The following CRIP2 variants were observed in gnomAD, a reference collection of about 807,000 sequenced individuals.
CRIP2 encodes cysteine rich protein 2, also known as cysteine-rich protein 2.
CRIP2 carries 31 observed loss-of-function variants against 31.3 expected under a neutral mutation model. That is an observed-to-expected ratio of 0.99 (90% confidence interval 0.74 to 1.34). The LOEUF (loss-of-function observed/expected upper bound fraction) is 1.34, where lower values mean the gene tolerates loss of function less well. CRIP2 is among the 40% of genes most tolerant of loss of function. The pLI is 0.00. For missense variants in CRIP2, 389 were observed against 301.6 expected (o/e 1.29, Z -2.15); for synonymous variants, 177 against 127.2 (o/e 1.39, Z -2.63).
chr14:105,476,390 A>G (rs2083933100), intron 1 of CRIP2: 1 of 985,302 alleles, frequency 1.0e-6, no homozygotes. Context: ...CCACCCTCAC[A>G]CCAGGCTGCC....
Position 105,479,700 on chromosome 14 carries a change from G to A in CRIP2, c.*47G>A. 6.3e-7 allele frequency: 1 copy of A among 1,578,048 alleles called. No homozygotes were observed. Among genetic ancestry groups the A allele is most frequent in the Non-Finnish European group, 8.6e-7 (1 of 1,161,076 alleles). On this transcript the variant is annotated 3_prime_UTR_variant, in exon 8 of 8. Coordinates refer to ENST00000329146, the MANE Select transcript of CRIP2 (RefSeq NM_001312.4). ...TGGGCTCACCTGCGCCCCAGACCCT[G>A]CAGGGGCCCCCCTGCTTGGCTCTGC...
chr14:105,477,528 CAG>C (rs2083959200), intron 1 of CRIP2: 1 of 984,370 alleles, frequency 1.0e-6, no homozygotes, highest in Non-Finnish European at 1.2e-6. Context: ...TGGTGGGGAT[CAG>C]GGGCGTGTCA....
chr14:105,476,619 G>C (rs587663371), intron 1 of CRIP2: 1 of 985,470 alleles, frequency 1.0e-6, no homozygotes, highest in South Asian at 4.7e-5. Context: ...CCACGTCCCA[G>C]AGCTGGCCAG....
rs2084015484 is a variant in CRIP2, at chr14:105,478,843, G to C, written c.309G>C (p.Ala103=). Residue 103 remains alanine (A), a synonymous_variant, in exon 4 of 8, where the codon GCG becomes GCC. Coordinates refer to ENST00000329146, the MANE Select transcript of CRIP2 (RefSeq NM_001312.4). This position sits in a 1 kb window ranked among gnomAD's most constrained non-coding sequence, Gnocchi z 4.9. The stretch of plus-strand genomic sequence containing the variant: ...CGGCCCGAGCAGAGGAGCGGAAGGC[G>C]AGCGGCCCCCCGAAGGGGCCCAGCA... ...VPAARAEERK[A]SGPPKGPSRA... The C allele has an allele frequency of 7.0e-7, 1 of 1,426,930 alleles. No homozygotes were observed. The highest frequency in any genetic ancestry group is 1.5e-5 in the African/African-American group (1 of 66,578). The allele number at this position is 1,426,930 out of a possible 1,614,324, so 88.4% of individuals were successfully genotyped here.
At chr14:105,477,296 A>G in intron 1 of CRIP2, 1 of 985,302 alleles carries the variant, frequency 1.0e-6, no homozygotes. Context: ...AGGGTCCCGG[A>G]CCCTCAGCAG....
At chr14:105,473,752 G>A (rs781931978), upstream of CRIP2, among the ~76,000 whole-genome samples, 2 of 152,190 alleles carry the variant, frequency 1.3e-5, no homozygotes, top group Non-Finnish European at 2.9e-5. Flanking sequence ...CGGAGGCACT[G>A]TGGTGAGGCG....
Position 105,479,016 on chromosome 14 carries a change from G to T in CRIP2, c.375G>T (p.Thr125=). The T allele has an allele frequency of 6.3e-7, 1 of 1,582,510 alleles. No homozygotes were observed. The highest frequency in any genetic ancestry group is 1.1e-5 in the South Asian group (1 of 87,132). Residue 125 remains threonine (T), a synonymous_variant, in exon 5 of 8, where the codon ACG becomes ACT. Coordinates refer to ENST00000329146, the MANE Select transcript of CRIP2 (RefSeq NM_001312.4). ...SVTTFTGEPN[T]CPRCSKKVYF... is the part of the protein sequence containing the mutation. Reference sequence around the variant, plus strand: ...CCACTTTCACCGGGGAGCCCAACACGTGCCCGCGCTGCAGCAAGAAGGTGT... The same window carrying T: ...CCACTTTCACCGGGGAGCCCAACACTTGCCCGCGCTGCAGCAAGAAGGTGT...
At chr14:105,479,404 A>T in intron 6 of CRIP2, 32 bp from the exon 7 acceptor site, 1 of 1,610,546 alleles carries the variant, frequency 6.2e-7, no homozygotes, top group Non-Finnish European at 8.5e-7. Context: ...GAGTCTGTGG[A>T]CTCCTCCCTC....
Position 105,478,155 on chromosome 14 carries a change from T to A in CRIP2, c.44-111T>A. The A allele has an allele frequency of 1.2e-6, 1 of 820,674 alleles. No homozygotes were observed. The highest frequency in any genetic ancestry group is 1.8e-6 in the Non-Finnish European group (1 of 554,754). The allele number at this position is 820,674 out of a possible 1,614,324, so 50.8% of individuals were successfully genotyped here. On this transcript the variant is annotated intron_variant, in intron 1 of 7. Coordinates refer to ENST00000329146, the MANE Select transcript of CRIP2 (RefSeq NM_001312.4). This position sits in a 1 kb window ranked among gnomAD's most constrained non-coding sequence, Gnocchi z 4.9. ...GTGGAAGGAAGGCGCCTGGGAGACC[T>A]CCTGAAAGTGGGGACCCCCGGAGCG...
intron 1 of CRIP2, chr14:105,477,588 C>A: frequency 1.1e-6 from 1 of 939,778 alleles, no homozygotes; most frequent in Non-Finnish European, 1.2e-6. Flanking sequence ...GAAGCAGGTG[C>A]ACTGCAGAGG....
rs200884949 is a variant in CRIP2, at chr14:105,479,687, C to T, written c.*34C>T. 15 of 1,596,482 alleles carry T rather than the reference C, an allele frequency of 9.4e-6. No individual in the cohort carries two copies. The highest frequency in any genetic ancestry group is 5.6e-5 in the South Asian group (5 of 89,092). On this transcript the variant is annotated 3_prime_UTR_variant, in exon 8 of 8. Transcript: ENST00000329146. The stretch of plus-strand genomic sequence containing the variant: ...GGCTCTCATGATGTGGGCTCACCTG[C>T]GCCCCAGACCCTGCAGGGGCCCCCC...
rs782228637 is a variant in CRIP2 at position 105,478,865 on chromosome 14, A to C, written c.331A>C (p.Ser111Arg). The change falls in exon 4 of 8, where the codon AGC (serine) becomes CGC (arginine). Residue 111 changes from serine (S) to arginine (R), a missense_variant. Coordinates refer to ENST00000329146, the MANE Select transcript of CRIP2 (RefSeq NM_001312.4). The surrounding 1 kb of genome is among the most constrained non-coding windows in gnomAD (Gnocchi z 4.9). ...GGCGAGCGGCCCCCCGAAGGGGCCC[A>C]GCAGAGGTGGGCTGGGCGCGGGCTG... is the stretch of plus-strand genomic sequence containing the variant. ...RKASGPPKGP[S>R]RASSVTTFTG... 4.2e-6 allele frequency: 6 copies of C among 1,437,494 alleles called. No homozygotes were observed. In the East Asian group the frequency reaches 1.1e-4, roughly 25 times the overall value. The allele number at this position is 1,437,494 out of a possible 1,614,324, so 89.0% of individuals were successfully genotyped here. A position where few individuals can be genotyped will look rare whatever the true frequency, so the allele number is the denominator to read the frequency against.
chr14:105,477,204 C>T, intron 1 of CRIP2: 2 of 920,140 alleles, frequency 2.2e-6, no homozygotes, highest in Non-Finnish European at 2.6e-6. Context: ...CTCTTCCTGC[C>T]TGGCTCCCTA....
Position 105,478,550 on chromosome 14 carries a change from A to AG in CRIP2, c.196+47dup. ...TCGGCCTGCCCTGGGACCTGCTGGGAGGGGCGTGGCGCTGGCGCTGGGGAG... is the reference window on the plus strand; with the variant it reads ...TCGGCCTGCCCTGGGACCTGCTGGGAGGGGGCGTGGCGCTGGCGCTGGGGAG... On this transcript the variant is annotated intron_variant, in intron 3 of 7. Coordinates refer to ENST00000329146, the MANE Select transcript of CRIP2 (RefSeq NM_001312.4). This position sits in a 1 kb window ranked among gnomAD's most constrained non-coding sequence, Gnocchi z 4.9. 9 of 1,585,176 alleles carry AG rather than the reference A, an allele frequency of 5.7e-6. No homozygotes were observed. Among genetic ancestry groups the AG allele is most frequent in the Non-Finnish European group, 7.7e-6 (9 of 1,167,608 alleles).
Position 105,475,979 on chromosome 14 carries a change from G to A in CRIP2, c.43+1074G>A, listed in dbSNP as rs1421675389. ...GCTTCCCCGGCTCACAGGCTGGAGG[G>A]GGTTGAGGGGAGGTTGTATTTTGCC... is the stretch of plus-strand genomic sequence containing the variant. On this transcript the variant is annotated intron_variant, in intron 1 of 7. Transcript: ENST00000329146. 3 of 985,476 alleles carry A rather than the reference G, an allele frequency of 3.0e-6. No individual in the cohort carries two copies. The Admixed American group carries it at 1.8e-4, about 61-fold the overall frequency. 61.0% of individuals were successfully genotyped at this position (985,476 alleles called of 1,614,324 possible).
intron 1 of CRIP2, chr14:105,476,397 T>C (rs1388888115): frequency 1.0e-6 from 1 of 985,368 alleles, no homozygotes; most frequent in Non-Finnish European, 1.2e-6. Flanking sequence ...CACACCAGGC[T>C]GCCCCCGCAG....
rs2084006698 is a variant in CRIP2 at position 105,478,576 on chromosome 14, G to C, written c.196+69G>C. Reference sequence around the variant, plus strand: ...GGGGCGTGGCGCTGGCGCTGGGGAGGGCTGGGGGTCCCGGCCGCCGTGGAT... The same window carrying C: ...GGGGCGTGGCGCTGGCGCTGGGGAGCGCTGGGGGTCCCGGCCGCCGTGGAT... On this transcript the variant is annotated intron_variant, in intron 3 of 7. Coordinates refer to ENST00000329146, the MANE Select transcript of CRIP2 (RefSeq NM_001312.4). This position sits in a 1 kb window ranked among gnomAD's most constrained non-coding sequence, Gnocchi z 4.9. The C allele has an allele frequency of 8.4e-6, 13 of 1,552,412 alleles. No individual in the cohort carries two copies. Among genetic ancestry groups the C allele is most frequent in the Non-Finnish European group, 1.0e-5 (12 of 1,150,186 alleles).
upstream of CRIP2, chr14:105,473,502 A>G: frequency 6.5e-7 from 1 of 1,535,392 alleles, no homozygotes; most frequent in Non-Finnish European, 8.7e-7. Flanking sequence ...TGCACCAGGC[A>G]GAGGGAACAG....
At chr14:105,476,360 G>A (rs587776337) in intron 1 of CRIP2, 3 of 985,466 alleles carry the variant, frequency 3.0e-6, no homozygotes, top group East Asian at 1.1e-4. Context: ...CACTGTGAGG[G>A]CGAGGGTCCA....
Sources: allele counts gnomAD v4.1 joint callset (sites outside exome capture counted in the v4.1 genomes callset), GRCh38; gene constraint gnomAD v4.1.1; non-coding constraint Gnocchi (gnomAD v3.1); transcripts MANE v1.5; gene names NCBI Gene and HGNC (gene_info 2026-07-23, HGNC 2026-07-21).